FILIP1: variants seen among roughly 807,000 people sequenced by gnomAD.
The protein encoded by FILIP1 is filamin-A-interacting protein 1.
A neutral mutation model predicts 102.1 loss-of-function variants in FILIP1; 61 were observed. The observed-to-expected ratio is 0.60, with a 90% CI of 0.49 to 0.74. The LOEUF is 0.74. Ranked by LOEUF, FILIP1 falls within the 30% of genes least tolerant of loss-of-function variation. The pLI is 0.00. For synonymous variants in FILIP1, 491 were observed against 526.9 expected, an observed-to-expected ratio of 0.93 and a Z score of 0.93; for missense variants, 1,314 against 1,441.2, an observed-to-expected ratio of 0.91 and a Z score of 1.43.
intron 6 of FILIP1, among the ~76,000 whole-genome samples, chr6:75,299,666 T>TA (rs553381546): frequency 6.6e-6 from 1 of 152,158 alleles, no homozygotes; most frequent in East Asian, 1.9e-4. Flanking sequence ...TTTTTTTCCT[T>TA]AAAAAAACTT....
In FILIP1 at chr6:75,313,616, T is replaced by A; in HGVS notation, c.2216A>T (p.Asp739Val). 3.7e-6 allele frequency: 6 copies of A among 1,603,408 alleles called. No individual in the cohort carries two copies. Among genetic ancestry groups the A allele is most frequent in the Non-Finnish European group, 5.1e-6 (6 of 1,177,126 alleles). ...ATCTACCTGGAGCTGAGAAAGCTGA[T>A]CTTCTTTGTTCATTAATTCGTGAAT... ...EKIHELMNKE[D>V]QLSQLQVDYS... The change falls in exon 5 of 6, where the codon GAT becomes GTT. Residue 739 changes from aspartate (D) to valine (V), a missense_variant. Asp to Val is a radical substitution (Grantham distance 152). This residue lies in a region of FILIP1 where 816 missense variants were observed against 913.1 expected (regional missense o/e 0.89). Coordinates refer to ENST00000237172, the MANE Select transcript of FILIP1 (RefSeq NM_015687.5). The surrounding 1 kb of genome is among the most constrained non-coding windows in gnomAD (Gnocchi z 4.2).
At chr6:75,386,369 A>C (rs1368626494) in intron 2 of FILIP1, 2 of 152,190 alleles carry the variant, frequency 1.3e-5, no homozygotes, top group African/African-American at 2.4e-5. Context: ...ATATTATGGG[A>C]ATATCCCTAG....
chr6:75,450,742 G>C (rs1042683343), intron 1 of FILIP1, among the ~76,000 whole-genome samples: 1 of 151,442 alleles, frequency 6.6e-6, no homozygotes, highest in Non-Finnish European at 1.5e-5. Flanking sequence ...GATCACCTGA[G>C]GTTGGGAGTT....
At chr6:75,450,851 T>C (rs1030208744) in intron 1 of FILIP1, among the ~76,000 whole-genome samples, 1 of 151,976 alleles carries the variant, frequency 6.6e-6, no homozygotes, top group East Asian at 1.9e-4. Context: ...GCTACTCAGG[T>C]TGCTGAGGCA....
chr6:75,319,134 C>A, intron 4 of FILIP1: 1 of 723,440 alleles, frequency 1.4e-6, no homozygotes, highest in Non-Finnish European at 2.5e-6. Context: ...TTTTTTCAGA[C>A]TTGACAATTC....
chr6:75,353,390 C>G, intron 4 of FILIP1, 149 bp downstream of exon 4: 2 of 710,756 alleles, frequency 2.8e-6, no homozygotes, highest in Non-Finnish European at 4.7e-6. Context: ...GTATCATTCT[C>G]TATGGTTACC....
chr6:75,404,950 A>T (rs73459770), intron 2 of FILIP1, among the ~76,000 whole-genome samples: 1,593 of 152,270 alleles, frequency 0.01, 33 homozygotes, highest in African/African-American at 0.037. Context: ...AACACAGTAA[A>T]GTGTCTTTCC....
chr6:75,320,322 C>T (rs542900399), intron 4 of FILIP1, among the ~76,000 whole-genome samples: 5 of 152,136 alleles, frequency 3.3e-5, no homozygotes, highest in Non-Finnish European at 5.9e-5. Context: ...TTTGGGAGGC[C>T]GAGGCAGGCA....
chr6:75,418,282 C>T (rs1015934539), intron 1 of FILIP1, among the ~76,000 whole-genome samples: 2 of 152,180 alleles, frequency 1.3e-5, no homozygotes, highest in Admixed American at 1.3e-4. Context: ...TGTCTTCCTC[C>T]ACAGACACTC....
intron 1 of FILIP1, among the ~76,000 whole-genome samples, chr6:75,470,990 T>C (rs1256896696): frequency 1.3e-5 from 2 of 151,534 alleles, no homozygotes. Flanking sequence ...GCAAAACCCA[T>C]CTCTGCTAAA....
intron 2 of FILIP1, among the ~76,000 whole-genome samples, chr6:75,364,595 T>C (rs2149615147): frequency 6.6e-6 from 1 of 152,350 alleles, no homozygotes; most frequent in South Asian, 2.1e-4. Context: ...TTCACAATGC[T>C]GACTGTGCTG....
At chr6:75,467,726 C>A (rs531717510) in intron 1 of FILIP1, among the ~76,000 whole-genome samples, 28 of 152,162 alleles carry the variant, frequency 1.8e-4, no homozygotes, top group African/African-American at 6.7e-4. Flanking sequence ...TTTGGAGGAC[C>A]ATATAAACTT....
At chr6:75,488,974 C>A (rs537870434) in intron 1 of FILIP1, among the ~76,000 whole-genome samples, 1 of 152,176 alleles carries the variant, frequency 6.6e-6, no homozygotes, top group South Asian at 2.1e-4. Flanking sequence ...CTTAAGATGA[C>A]CTTTTTTGGT....
In FILIP1 at chr6:75,324,367, A is replaced by AAATATAC. The variant is rs1207231659; in HGVS notation, c.630-9172_630-9166dup. Among the ~76,000 whole-genome samples the AAATATAC allele has an allele frequency of 1.5e-4, 22 of 151,018 alleles. 1 individual carries two copies. In the East Asian group the frequency reaches 4.3e-3, roughly 29 times the overall value. On this transcript the variant is annotated intron_variant, in intron 4 of 5. Transcript: ENST00000237172. ...AACCAAAAAAAAAAAAAAAGGAAAG[A>AAATATAC]AATATACCTAACCAAGGAGATAAAA...
intron 1 of FILIP1, among the ~76,000 whole-genome samples, chr6:75,446,776 G>A (rs1486092675): frequency 6.6e-6 from 1 of 152,110 alleles, no homozygotes; most frequent in Non-Finnish European, 1.5e-5. Context: ...CAAGGATGAC[G>A]TTCTCCAGCA....
intron 4 of FILIP1, among the ~76,000 whole-genome samples, chr6:75,349,846 G>C (rs1774728240): frequency 6.6e-6 from 1 of 152,160 alleles, no homozygotes; most frequent in Non-Finnish European, 1.5e-5. Context: ...CTTGGCTCGC[G>C]GGAAAGAAAG....
intron 4 of FILIP1, among the ~76,000 whole-genome samples, chr6:75,340,110 T>C (rs1468587502): frequency 6.6e-6 from 1 of 152,132 alleles, no homozygotes; most frequent in Non-Finnish European, 1.5e-5. Flanking sequence ...AGTTACCACA[T>C]ATTTTACTTC....
intron 4 of FILIP1, among the ~76,000 whole-genome samples, chr6:75,349,663 C>A (rs2149597628): frequency 6.6e-6 from 1 of 152,312 alleles, no homozygotes; most frequent in East Asian, 1.9e-4. Context: ...CACTTGTTCT[C>A]AAAAATGCCG....
At chr6:75,419,791 C>G (rs1468119617) in intron 1 of FILIP1, among the ~76,000 whole-genome samples, 2 of 152,198 alleles carry the variant, frequency 1.3e-5, no homozygotes, top group Admixed American at 1.3e-4. Flanking sequence ...TGTGCGTTAT[C>G]TTATTGGTTA....
Sources: allele counts gnomAD v4.1 joint callset (sites outside exome capture counted in the v4.1 genomes callset), GRCh38; gene constraint gnomAD v4.1.1; regional missense constraint gnomAD v4.1.1; non-coding constraint Gnocchi (gnomAD v3.1); transcripts MANE v1.5; gene names NCBI Gene and HGNC (gene_info 2026-07-23, HGNC 2026-07-21).